The following NDRG2 variants were observed in gnomAD, a reference collection of about 807,000 sequenced individuals.
NDRG2 encodes the protein NDRG family member 2.
A neutral mutation model predicts 58.2 loss-of-function variants in NDRG2; 34 were observed. The ratio of observed to expected loss-of-function variants is 0.58; its 90% CI spans 0.44 to 0.78. The LOEUF is 0.78. Among genes scored for constraint, NDRG2 ranks in the 30% least tolerant of loss-of-function variants. NDRG2 has a pLI of 0.00. For missense variants in NDRG2, 434 were observed against 471.2 expected, an observed-to-expected ratio of 0.92 and a Z score of 0.73; for synonymous variants, 187 against 175.9, an observed-to-expected ratio of 1.06 and a Z score of -0.50.
Position 21,017,714 on chromosome 14 carries a change from A to G in NDRG2, c.998T>C (p.Leu333Pro). ...TRLSRSRTAS[L>P]TSAASVDGNR... Reference sequence around the variant, plus strand: ...GCCATCAACGGATGCTGCACTGGTCAGAGAGGCTGTACGAGACCGGGACAG... The same window carrying G: ...GCCATCAACGGATGCTGCACTGGTCGGAGAGGCTGTACGAGACCGGGACAG... Residue 333 changes from leucine (L) to proline (P), a missense_variant, in exon 16 of 16, where the codon CTG (leucine) becomes CCG (proline). Transcript: ENST00000556147. The G allele has an allele frequency of 6.2e-7, 1 of 1,605,760 alleles. No homozygotes were observed. Among genetic ancestry groups the G allele is most frequent in the Non-Finnish European group, 8.5e-7 (1 of 1,175,948 alleles).
At chr14:21,044,634 C>G (rs917208840) in intron 1 of NDRG2, among the ~76,000 whole-genome samples, 2 of 152,220 alleles carry the variant, frequency 1.3e-5, no homozygotes, top group Non-Finnish European at 2.9e-5. Flanking sequence ...CCATTTCTCT[C>G]GTTCTGGGGA....
At chr14:21,029,615 TAAATA>T (rs1321874072), upstream of NDRG2, among the ~76,000 whole-genome samples, 4 of 151,872 alleles carry the variant, frequency 2.6e-5, no homozygotes, top group African/African-American at 9.7e-5. Context: ...AATACGCAAA[TAAATA>T]AAATAAAATC....
intron 1 of NDRG2, chr14:21,034,221 ATGT>A: frequency 6.2e-7 from 1 of 1,614,098 alleles, no homozygotes; most frequent in African/African-American, 1.3e-5. Context: ...CTGCATCTTG[ATGT>A]CCATGACCAG....
intron 1 of NDRG2, chr14:21,043,008 G>A (rs759608792): frequency 4.3e-6 from 7 of 1,613,722 alleles, no homozygotes; most frequent in African/African-American, 1.3e-5. Context: ...ACCGGCCAGA[G>A]CAGGATTCTG....
rs1369064122 is a variant in NDRG2, at chr14:21,033,451, G to A, written c.25-10130C>T. 1.3e-5 allele frequency: 4 copies of A among 311,550 alleles called. No individual in the cohort carries two copies. The East Asian group carries it at 3.2e-4, about 25-fold the overall frequency. 19.3% of individuals were successfully genotyped at this position (311,550 alleles called of 1,614,324 possible). A position where few individuals can be genotyped will look rare whatever the true frequency, so the allele number is the denominator to read the frequency against. ...TGGGGAGGTGAGACTCGGAGCTGGTGCCTGTTGCCATGGTGTGAGCTGAGG... is the reference window on the plus strand; with the variant it reads ...TGGGGAGGTGAGACTCGGAGCTGGTACCTGTTGCCATGGTGTGAGCTGAGG... On this transcript the variant is annotated intron_variant, in intron 1 of 14. Transcript: ENST00000403829.
At chr14:21,030,025 C>G (rs532771702), upstream of NDRG2, among the ~76,000 whole-genome samples, 1 of 152,188 alleles carries the variant, frequency 6.6e-6, no homozygotes, top group Non-Finnish European at 1.5e-5. Flanking sequence ...GATGGGTAAG[C>G]TTGGCTGAAA....
intron 1 of NDRG2, chr14:21,043,516 C>A (rs1885009749): frequency 8.5e-7 from 1 of 1,170,996 alleles, no homozygotes; most frequent in Non-Finnish European, 1.2e-6. Context: ...CTCCAGGACT[C>A]CGCACCACTC....
chr14:21,033,635 C>G, intron 1 of NDRG2: 1 of 613,264 alleles, frequency 1.6e-6, no homozygotes, highest in South Asian at 1.9e-5. Context: ...TGGAAAGAAC[C>G]TAGAAGATAG....
intron 1 of NDRG2, 71 bp downstream of exon 1, chr14:21,023,959 G>A (rs999892736): frequency 1.0e-6 from 1 of 986,572 alleles, no homozygotes. Context: ...AACATTAGTG[G>A]GTGAGGAGCA....
chr14:21,021,932 A>T, intron 5 of NDRG2, 53 bp from the exon 6 acceptor site: 1 of 1,610,696 alleles, frequency 6.2e-7, no homozygotes, highest in Non-Finnish European at 8.5e-7. Flanking sequence ...CACACCCCCC[A>T]CCTCAGGATG....
intron 9 of NDRG2, 88 bp downstream of exon 9, chr14:21,019,832 A>C: frequency 6.5e-7 from 1 of 1,538,276 alleles, no homozygotes; most frequent in South Asian, 1.1e-5. Flanking sequence ...TCCTTCCCCA[A>C]ATCCTGTCCC....
rs75273699 is a variant in NDRG2, at chr14:21,019,329, C to T, written c.717-169G>A. ...GGGGCAGGCAGGCCCCAAGCACAGC[C>T]CCTATAGTCACTTGTGCCCTAGATC... On this transcript the variant is annotated intron_variant, in intron 10 of 15. Coordinates refer to ENST00000556147, the MANE Select transcript of NDRG2 (RefSeq NM_001320329.2). 8.7e-3 allele frequency among the ~76,000 whole-genome samples: 1,320 copies of T among 152,230 alleles called. 20 individuals carry two copies. Among genetic ancestry groups the T allele is most frequent in the African/African-American group, 0.031 (1,279 of 41,502 alleles).
intron 9 of NDRG2, 30 bp downstream of exon 9, chr14:21,019,890 G>C (rs747593019): frequency 6.2e-7 from 1 of 1,611,552 alleles, no homozygotes; most frequent in South Asian, 1.1e-5. Context: ...TGCTCCCGTC[G>C]ACTCTTCTAC....
At chr14:21,018,527 T>G (rs774585498) in intron 12 of NDRG2, 23 bp from the exon 13 acceptor site, 1 of 1,613,098 alleles carries the variant, frequency 6.2e-7, no homozygotes, top group African/African-American at 1.3e-5. Context: ...GGAGGCTGAA[T>G]GAATGAGGTC....
chr14:21,043,746 T>G, intron 1 of NDRG2: 1 of 350,924 alleles, frequency 2.8e-6, no homozygotes, highest in South Asian at 6.8e-5. Flanking sequence ...CCCTGCCCCC[T>G]GGCATTAGGG....
intron 1 of NDRG2, chr14:21,057,882 C>G: frequency 1.2e-6 from 2 of 1,611,152 alleles, no homozygotes; most frequent in Non-Finnish European, 1.7e-6. Flanking sequence ...CCACTGTCTC[C>G]CTTAAGAGAG....
At chr14:21,051,877 G>T (rs1885485156) in intron 1 of NDRG2, among the ~76,000 whole-genome samples, 1 of 152,214 alleles carries the variant, frequency 6.6e-6, no homozygotes, top group African/African-American at 2.4e-5. Context: ...CTGTCCTTCA[G>T]GCCAGCAAAC....
rs922693371 is a variant in NDRG2 at position 21,023,890 on chromosome 14, C to G, written c.-7+140G>C. ...AAAAGGGACATCTGTCCAACCAACC[C>G]AATGCCTCCCTTCCTCCCAAGACCC... On this transcript the variant is annotated intron_variant, in intron 1 of 15. Transcript: ENST00000556147. 8.4e-6 allele frequency: 7 copies of G among 830,578 alleles called. No homozygotes were observed. The East Asian group carries it at 8.6e-4, about 102-fold the overall frequency. The allele number at this position is 830,578 out of a possible 1,614,324, so 51.5% of individuals were successfully genotyped here.
chr14:21,032,362 A>T (rs1566488461), intron 1 of NDRG2: 1 of 511,932 alleles, frequency 2.0e-6, no homozygotes, highest in African/African-American at 2.2e-5. Context: ...TGGAGTAAAG[A>T]GATGAACCAG....
Sources: gnomAD v4.1 joint callset for allele counts (sites outside exome capture counted in the v4.1 genomes callset) on GRCh38, gnomAD v4.1.1 for gene constraint, MANE v1.5 for transcripts, NCBI Gene and HGNC (gene_info 2026-07-23, HGNC 2026-07-21) for gene names.